FBXW11: variants seen among roughly 807,000 people sequenced by gnomAD.
FBXW11 encodes F-box and WD repeat domain containing 11.
Under a neutral mutation model 77.6 loss-of-function variants are expected in FBXW11, and 19 were observed. The ratio of observed to expected loss-of-function variants is 0.24; its 90% CI spans 0.17 to 0.36. The LOEUF (loss-of-function observed/expected upper bound fraction) is 0.36. FBXW11 is among the 10% of genes least tolerant of loss of function. FBXW11 has a pLI of 1.00. For synonymous variants in FBXW11, 235 were observed against 249.4 expected (o/e 0.94, Z 0.54); for missense variants, 334 against 704.2 (o/e 0.47, Z 5.95).
At chr5:171,891,247 G>A (rs537905920) in intron 7 of FBXW11, among the ~76,000 whole-genome samples, 16 of 152,176 alleles carry the variant, frequency 1.1e-4, no homozygotes, top group African/African-American at 3.4e-4. Flanking sequence ...TATAGAATGT[G>A]AATGTGCTTA....
intron 7 of FBXW11, among the ~76,000 whole-genome samples, chr5:171,881,121 G>A (rs1758475826): frequency 2.0e-5 from 3 of 151,936 alleles, no homozygotes; most frequent in South Asian, 4.2e-4. Context: ...GTTCTAGGAG[G>A]TTTTTTTTGT....
rs1221682960 is a variant in FBXW11 at position 171,952,960 on chromosome 5, G to A, written c.147+4637C>T. On this transcript the variant is annotated intron_variant, in intron 2 of 13. Transcript: ENST00000517395. The stretch of plus-strand genomic sequence containing the variant: ...TCTTCTTCCAATGTGGTCCAGGGAA[G>A]ACAAAAGATTGGACACCCCTGTTTT... Among the ~76,000 whole-genome samples the A allele has an allele frequency of 2.6e-5, 4 of 151,724 alleles. No homozygotes were observed. In the South Asian group the frequency reaches 6.3e-4, roughly 24 times the overall value.
intron 1 of FBXW11, among the ~76,000 whole-genome samples, chr5:171,985,523 T>C (rs1011226477): frequency 1.3e-5 from 2 of 151,422 alleles, no homozygotes; most frequent in African/African-American, 4.9e-5. Context: ...CTTCAGGAGG[T>C]TGAGAGATAA....
intron 6 of FBXW11, among the ~76,000 whole-genome samples, chr5:171,896,483 G>A (rs911859033): frequency 6.6e-6 from 1 of 152,122 alleles, no homozygotes; most frequent in African/African-American, 2.4e-5. Context: ...CAAGGACACT[G>A]CGTATTCACA....
intron 7 of FBXW11, among the ~76,000 whole-genome samples, chr5:171,883,640 A>G (rs1414067061): frequency 6.6e-6 from 1 of 152,198 alleles, no homozygotes; most frequent in Non-Finnish European, 1.5e-5. Flanking sequence ...CCATGCCAGC[A>G]TCTACTGTTT....
intron 1 of FBXW11, among the ~76,000 whole-genome samples, chr5:171,976,797 A>G (rs1029382971): frequency 6.6e-6 from 1 of 152,160 alleles, no homozygotes; most frequent in Non-Finnish European, 1.5e-5. Flanking sequence ...CTGTAACCCC[A>G]GCAATTTGGG....
intron 2 of FBXW11, among the ~76,000 whole-genome samples, chr5:171,925,506 A>T (rs1414435305): frequency 2.0e-5 from 3 of 152,186 alleles, no homozygotes; most frequent in Admixed American, 6.5e-5. Flanking sequence ...TTTGAGACAA[A>T]GTCTTGTCCT....
At chr5:171,944,808 G>A (rs1762926568) in intron 2 of FBXW11, among the ~76,000 whole-genome samples, 2 of 151,740 alleles carry the variant, frequency 1.3e-5, no homozygotes, top group Non-Finnish European at 2.9e-5. Context: ...CAACTCACAG[G>A]AATACTTACA....
chr5:171,948,457 G>A (rs1231172970), intron 2 of FBXW11, among the ~76,000 whole-genome samples: 1 of 151,850 alleles, frequency 6.6e-6, no homozygotes, highest in South Asian at 2.1e-4. Context: ...AGTGTTACTA[G>A]CCAGGCATGG....
At chr5:171,922,524 G>A (rs781082810) in intron 2 of FBXW11, among the ~76,000 whole-genome samples, 1 of 152,120 alleles carries the variant, frequency 6.6e-6, no homozygotes, top group Non-Finnish European at 1.5e-5. Flanking sequence ...AACAAACAAG[G>A]CAATTCAGAA....
At position 172,006,344 on chromosome 5, in the gene FBXW11, G is replaced by A. The variant is rs1766772077; in HGVS notation, c.45+114C>T. ...CAGGGAAGGCTGGGGGCCCGGGTCTGGGTCGAGGCGTCTGGGAAGGGCCAG... is the reference window on the plus strand; with the variant it reads ...CAGGGAAGGCTGGGGGCCCGGGTCTAGGTCGAGGCGTCTGGGAAGGGCCAG... On this transcript the variant is annotated intron_variant, in intron 1 of 13. Coordinates refer to ENST00000517395, the MANE Select transcript of FBXW11 (RefSeq NM_001378974.1). 3.2e-6 allele frequency: 3 copies of A among 927,472 alleles called. No homozygotes were observed. In the South Asian group the frequency reaches 6.4e-5, roughly 20 times the overall value. The allele number at this position is 927,472 out of a possible 1,614,324, so 57.5% of individuals were successfully genotyped here. A position where few individuals can be genotyped will look rare whatever the true frequency, so the allele number is the denominator to read the frequency against.
At chr5:171,886,626 A>G (rs975806679) in intron 7 of FBXW11, among the ~76,000 whole-genome samples, 4 of 152,070 alleles carry the variant, frequency 2.6e-5, no homozygotes, top group African/African-American at 9.7e-5. Flanking sequence ...TGATAGAAAA[A>G]AAGAAAAACC....
At chr5:171,971,152 A>G (rs898591169) in intron 1 of FBXW11, among the ~76,000 whole-genome samples, 6 of 152,158 alleles carry the variant, frequency 3.9e-5, no homozygotes, top group Non-Finnish European at 8.8e-5. Flanking sequence ...AATCTCTCAC[A>G]CTGTGCTGTC....
intron 1 of FBXW11, among the ~76,000 whole-genome samples, chr5:172,004,742 T>C (rs775964630): frequency 2.6e-5 from 4 of 152,116 alleles, no homozygotes; most frequent in African/African-American, 4.8e-5. Flanking sequence ...CGATTTAAGA[T>C]AGTTACCAAA....
chr5:171,931,776 T>C (rs1318110156), intron 2 of FBXW11, among the ~76,000 whole-genome samples: 1 of 150,230 alleles, frequency 6.7e-6, no homozygotes, highest in Non-Finnish European at 1.5e-5. Flanking sequence ...CAAAGGACTG[T>C]TATCCAAAAT....
chr5:171,894,745 A>G (rs1207960922), intron 6 of FBXW11, among the ~76,000 whole-genome samples: 2 of 147,500 alleles, frequency 1.4e-5, no homozygotes, highest in Non-Finnish European at 3.0e-5. Flanking sequence ...CAGGTAGCCC[A>G]CTGTGGTAGA....
chr5:171,999,835 T>TA (rs1554111357), intron 1 of FBXW11, among the ~76,000 whole-genome samples: 2 of 152,078 alleles, frequency 1.3e-5, no homozygotes, highest in African/African-American at 4.8e-5. Flanking sequence ...CTTTTTTTTT[T>TA]ATTTTTCCTA....
intron 3 of FBXW11, among the ~76,000 whole-genome samples, chr5:171,913,666 G>T (rs985195287): frequency 1.3e-5 from 2 of 152,062 alleles, no homozygotes; most frequent in Non-Finnish European, 2.9e-5. Flanking sequence ...TGAACCCAGA[G>T]AATTTATTTT....
chr5:171,874,192 A>T (rs541913013), intron 9 of FBXW11, among the ~76,000 whole-genome samples: 40 of 152,356 alleles, frequency 2.6e-4, no homozygotes, highest in African/African-American at 9.6e-4. Flanking sequence ...ACCAATTTTT[A>T]AAGTGGGCAA....
Sources: allele counts gnomAD v4.1 joint callset (sites outside exome capture counted in the v4.1 genomes callset), GRCh38; gene constraint gnomAD v4.1.1; transcripts MANE v1.5; gene names NCBI Gene and HGNC (gene_info 2026-07-23, HGNC 2026-07-21).